Variants in TMEM245 observed in about 807,000 individuals in gnomAD.
TMEM245 encodes the protein protein CG-2.
TMEM245 carries 69 observed loss-of-function variants against 101.2 expected under a neutral mutation model. The observed-to-expected ratio is 0.68, with a 90% CI of 0.56 to 0.83. The LOEUF is 0.83. Ranked by LOEUF, TMEM245 falls within the 40% of genes least tolerant of loss-of-function variation. TMEM245 has a pLI of 0.00. For missense variants in TMEM245, 1,075 were observed against 1,092.8 expected (o/e 0.98, Z 0.23); for synonymous variants, 537 against 449.8 (o/e 1.19, Z -2.45).
intron 4 of TMEM245, among the ~76,000 whole-genome samples, chr9:109,092,813 C>A (rs1588069164): frequency 6.6e-6 from 1 of 152,260 alleles, no homozygotes; most frequent in Admixed American, 6.5e-5. Context: ...GTATATCTAC[C>A]AGCTGGATTC....
intron 12 of TMEM245, among the ~76,000 whole-genome samples, chr9:109,055,894 A>C (rs7858553): frequency 0.059 from 8,968 of 152,178 alleles, 904 homozygotes; most frequent in African/African-American, 0.21. Flanking sequence ...TCGGCCTCCC[A>C]AAGTGCTGGG....
Position 109,086,478 on chromosome 9 carries a change from T to C in TMEM245, c.1321-458A>G, listed in dbSNP as rs371274846. Among the ~76,000 whole-genome samples the C allele has an allele frequency of 9.1e-4, 139 of 152,290 alleles. 3 individuals carry two copies. The South Asian group carries it at 0.026, about 28-fold the overall frequency. On this transcript the variant is annotated intron_variant, in intron 6 of 17. Transcript: ENST00000374586. ...TGCTCAGTGCTGCCACTGTATCCCA[T>C]ACACACTTTTCCTACACAAATTCCT...
chr9:109,067,964 AC>A, intron 9 of TMEM245, among the ~76,000 whole-genome samples: 1 of 152,278 alleles, frequency 6.6e-6, no homozygotes, highest in Admixed American at 6.5e-5. Flanking sequence ...GATGCAGGAA[AC>A]CATTATCATT....
chr9:109,103,973 T>G (rs1046228105), intron 3 of TMEM245, among the ~76,000 whole-genome samples: 1 of 151,844 alleles, frequency 6.6e-6, no homozygotes, highest in Non-Finnish European at 1.5e-5. Flanking sequence ...GAATCCCAGC[T>G]ACTCGGGAGG....
intron 9 of TMEM245, among the ~76,000 whole-genome samples, chr9:109,070,787 T>G (rs1829307925): frequency 6.6e-6 from 1 of 152,254 alleles, no homozygotes; most frequent in Non-Finnish European, 1.5e-5. Flanking sequence ...TTAATCTTAC[T>G]GTCACTACAG....
intron 9 of TMEM245, among the ~76,000 whole-genome samples, chr9:109,068,636 CAAAACA>C (rs541489972): frequency 1.9e-4 from 29 of 151,948 alleles, no homozygotes; most frequent in Admixed American, 6.6e-4. Flanking sequence ...GACTCTGTGT[CAAAACA>C]AAAACAAAAA....
chr9:109,031,845 T>A (rs1208773373), intron 17 of TMEM245, among the ~76,000 whole-genome samples: 1 of 152,272 alleles, frequency 6.6e-6, no homozygotes, highest in Non-Finnish European at 1.5e-5. Flanking sequence ...TTTTATGAAA[T>A]GCTGGTGACA....
rs375621028 is a variant in TMEM245, at chr9:109,036,158, G to A, written c.2399+48C>T. 4.8e-5 allele frequency: 66 copies of A among 1,388,990 alleles called. No individual in the cohort carries two copies. In the African/African-American group the frequency reaches 7.1e-4, roughly 15 times the overall value. 86.0% of individuals were successfully genotyped at this position (1,388,990 alleles called of 1,614,324 possible). ...AATCCTCCTTTAAAAAAAAAAAAAC[G>A]GAAATGCCTGGATGATTCACTAATA... On this transcript the variant is annotated intron_variant, in intron 16 of 17. Transcript: ENST00000374586.
At chr9:109,101,528 CAG>C (rs1191256949) in intron 3 of TMEM245, among the ~76,000 whole-genome samples, 1 of 152,034 alleles carries the variant, frequency 6.6e-6, no homozygotes, top group Non-Finnish European at 1.5e-5. Context: ...AAAAAATACT[CAG>C]AAATTTAGGA....
At chr9:109,116,333 G>T (rs915426621) in intron 1 of TMEM245, among the ~76,000 whole-genome samples, 2 of 152,168 alleles carry the variant, frequency 1.3e-5, no homozygotes, top group Admixed American at 6.5e-5. Flanking sequence ...CTCCTGCCCA[G>T]TCACATAACC....
chr9:109,074,296 A>G (rs750458620), intron 8 of TMEM245, among the ~76,000 whole-genome samples: 4 of 152,190 alleles, frequency 2.6e-5, no homozygotes, highest in Non-Finnish European at 4.4e-5. Context: ...CACCCAGGAC[A>G]TCCAAACAAG....
At chr9:109,051,339 C>CACAT (rs1005589201) in intron 12 of TMEM245, among the ~76,000 whole-genome samples, 5 of 146,984 alleles carry the variant, frequency 3.4e-5, no homozygotes, top group African/African-American at 1.2e-4. Flanking sequence ...CACACACACA[C>CACAT]ATCATTGTAG....
At position 109,016,650 on chromosome 9, in the gene TMEM245, G is replaced by C. The variant is rs1437121927; in HGVS notation, c.*3810C>G. 8.6e-6 allele frequency: 1 copy of C among 115,886 alleles called. No individual in the cohort carries two copies. Among genetic ancestry groups the C allele is most frequent in the East Asian group, 2.5e-4 (1 of 3,924 alleles). 7.2% of individuals were successfully genotyped at this position (115,886 alleles called of 1,614,324 possible). A position where few individuals can be genotyped will look rare whatever the true frequency, so the allele number is the denominator to read the frequency against. On this transcript the variant is annotated 3_prime_UTR_variant, in exon 18 of 18. Transcript: ENST00000374586. The stretch of plus-strand genomic sequence containing the variant: ...AATAACCAAACAGTGGCTGCAGACA[G>C]CATGTGTGTTTTTTTTTTTTTTTTT...
At chr9:109,061,555 A>C (rs1017552878) in intron 10 of TMEM245, among the ~76,000 whole-genome samples, 2 of 152,080 alleles carry the variant, frequency 1.3e-5, no homozygotes, top group Non-Finnish European at 2.9e-5. Flanking sequence ...ACCCACTCTA[A>C]GGATATACAA....
chr9:109,100,742 A>G (rs1519467), intron 3 of TMEM245, among the ~76,000 whole-genome samples: 20,249 of 152,160 alleles, frequency 0.13, 1,564 homozygotes, highest in African/African-American at 0.19. Flanking sequence ...TCATCTGTAA[A>G]TGAAGATACC....
chr9:109,057,843 G>T (rs903645265), intron 11 of TMEM245, among the ~76,000 whole-genome samples: 1 of 151,260 alleles, frequency 6.6e-6, no homozygotes, highest in Non-Finnish European at 1.5e-5. Flanking sequence ...TCTAAGTCTC[G>T]CTCCAGTGCT....
chr9:109,056,232 C>T (rs7859157), intron 12 of TMEM245, among the ~76,000 whole-genome samples: 2,488 of 152,144 alleles, frequency 0.016, 72 homozygotes, highest in African/African-American at 0.057. Flanking sequence ...TACAGCAGGG[C>T]ACTGCTGTTT....
At chr9:109,108,627 A>G in intron 1 of TMEM245, 57 bp from the exon 2 acceptor site, 2 of 1,256,592 alleles carry the variant, frequency 1.6e-6, no homozygotes, top group South Asian at 1.3e-5. Context: ...TGAACATACA[A>G]TTATACAAAA....
chr9:109,034,881 G>A (rs1161011226), intron 16 of TMEM245, among the ~76,000 whole-genome samples: 1 of 152,086 alleles, frequency 6.6e-6, no homozygotes, highest in Non-Finnish European at 1.5e-5. Flanking sequence ...TTTAGGCCGG[G>A]CATCGTGGCT....
Sources: gnomAD v4.1 joint callset for allele counts (sites outside exome capture counted in the v4.1 genomes callset) on GRCh38, gnomAD v4.1.1 for gene constraint, MANE v1.5 for transcripts, NCBI Gene and HGNC (gene_info 2026-07-23, HGNC 2026-07-21) for gene names.